Variants in VNN2 observed in about 807,000 individuals in gnomAD.
VNN2 encodes vanin 2.
Under a neutral mutation model 43.0 loss-of-function variants are expected in VNN2, and 43 were observed. The observed-to-expected ratio is 1.00, with a 90% CI of 0.78 to 1.29. The LOEUF is 1.29. VNN2 is among the 50% of genes most tolerant of loss of function. The pLI, the probability that VNN2 is intolerant of heterozygous loss-of-function variation, is 0.00. For missense variants in VNN2, 652 were observed against 619.7 expected, an observed-to-expected ratio of 1.05 and a Z score of -0.55; for synonymous variants, 230 against 224.3, an observed-to-expected ratio of 1.03 and a Z score of -0.23.
Position 132,757,786 on chromosome 6 carries a change from T to A in VNN2, c.98A>T (p.His33Leu), listed in dbSNP as rs760929873. Residue 33 changes from histidine to leucine, a missense_variant, in exon 1 of 7, where the codon CAT (histidine) becomes CTT (leucine). Physicochemically the swap from His to Leu is moderately conservative, Grantham distance 99. Coordinates refer to ENST00000326499, the MANE Select transcript of VNN2 (RefSeq NM_004665.6). ...QDSFIAAVYE[H>L]AVILPNKTET... ...TGTTTTATTTGGCAAAATGACAGCATGTTCATACACTGCAGCTATAAAACT... is the reference window on the plus strand; with the variant it reads ...TGTTTTATTTGGCAAAATGACAGCAAGTTCATACACTGCAGCTATAAAACT... 1.9e-6 allele frequency: 3 copies of A among 1,613,888 alleles called. No individual in the cohort carries two copies. Among genetic ancestry groups the A allele is most frequent in the Non-Finnish European group, 2.5e-6 (3 of 1,180,030 alleles).
rs369966352 is a variant in VNN2 at position 132,749,895 on chromosome 6, A to G, written c.1201-30T>C. ...GTGGAACAAACGCAGATAAAACGCA[A>G]TGCCTTACATTGAAGTTACTCATAC... On this transcript the variant is annotated intron_variant, in intron 5 of 6. Transcript: ENST00000326499. 7 of 1,587,660 alleles carry G rather than the reference A, an allele frequency of 4.4e-6. No individual in the cohort carries two copies. In the East Asian group the frequency reaches 6.8e-5, roughly 15 times the overall value.
In VNN2 at chr6:132,750,995, C is replaced by CGTGT. The variant is rs36044107; in HGVS notation, c.1200+146_1200+149dup. The CGTGT allele has an allele frequency of 0.013, 11,392 of 852,754 alleles. 787 individuals carry two copies. In the African/African-American group the frequency reaches 0.18, roughly 13 times the overall value. 52.8% of individuals were successfully genotyped at this position (852,754 alleles called of 1,614,324 possible). ...CAGTGTATGTACGTGCATAAATGCA[C>CGTGT]GTGTGTGTGTGTGTGTTGTGTGTGT... On this transcript the variant is annotated intron_variant, in intron 5 of 6. Coordinates refer to ENST00000326499, the MANE Select transcript of VNN2 (RefSeq NM_004665.6).
intron 5 of VNN2, among the ~76,000 whole-genome samples, chr6:132,750,201 T>C (rs1779973305): frequency 6.6e-6 from 1 of 152,124 alleles, no homozygotes; most frequent in Admixed American, 6.5e-5. Context: ...TGAAAGGATA[T>C]TAAAATTTTT....
chr6:132,750,497 G>GTGTATGTATATATGTGTATA lies in VNN2; in HGVS notation c.1201-633_1201-632insTATACACATATATACATACA. Among the ~76,000 whole-genome samples, 818 of 103,634 alleles carry GTGTATGTATATATGTGTATA rather than the reference G, an allele frequency of 7.9e-3. 55 individuals are homozygous for GTGTATGTATATATGTGTATA. The highest frequency in any genetic ancestry group is 0.011 in the Non-Finnish European group (566 of 49,884). 68.0% of individuals were successfully genotyped at this position (103,634 alleles called of 152,430 possible). A position where few individuals can be genotyped will look rare whatever the true frequency, so the allele number is the denominator to read the frequency against. ...TCTACTAAAAATATTTTGTATATGT[G>GTGTATGTATATATGTGTATA]TATATATATATATATATTTTTCCAG... is the stretch of plus-strand genomic sequence containing the variant. On this transcript the variant is annotated intron_variant, in intron 5 of 6. Coordinates refer to ENST00000326499, the MANE Select transcript of VNN2 (RefSeq NM_004665.6).
rs974688879 is a variant in VNN2, at chr6:132,750,996, G to A, written c.1200+149C>T. On this transcript the variant is annotated intron_variant, in intron 5 of 6. Transcript: ENST00000326499. ...AGTGTATGTACGTGCATAAATGCAC[G>A]TGTGTGTGTGTGTGTTGTGTGTGTG... 208 of 515,438 alleles carry A rather than the reference G, an allele frequency of 4.0e-4. 1 individual carries two copies. Among genetic ancestry groups the A allele is most frequent in the Admixed American group, 2.7e-4 (6 of 22,400 alleles). The allele number at this position is 515,438 out of a possible 1,614,324, so 31.9% of individuals were successfully genotyped here.
chr6:132,750,219 T>C (rs978414461), intron 5 of VNN2, among the ~76,000 whole-genome samples: 19 of 152,106 alleles, frequency 1.2e-4, no homozygotes, highest in African/African-American at 4.6e-4. Flanking sequence ...TTTTCCACCC[T>C]TTAATCTCAC....
chr6:132,759,456 A>AAAAAAAAAAAAAAAT (rs1264015054), upstream of VNN2, among the ~76,000 whole-genome samples: 1 of 151,514 alleles, frequency 6.6e-6, no homozygotes, highest in African/African-American at 2.4e-5. Context: ...AAAAAAAAAA[A>AAAAAAAAAAAAAAAT]AAAAACAATA....
chr6:132,745,108 G>T (rs1410971618), intron 6 of VNN2, among the ~76,000 whole-genome samples: 1 of 152,140 alleles, frequency 6.6e-6, no homozygotes, highest in Non-Finnish European at 1.5e-5. Flanking sequence ...TCTCATTCTA[G>T]ATTGGTTAAA....
intron 6 of VNN2, among the ~76,000 whole-genome samples, 179 bp downstream of exon 6, chr6:132,749,516 C>A (rs1779922830): frequency 6.6e-6 from 1 of 152,242 alleles, no homozygotes; most frequent in Middle Eastern, 3.4e-3. Flanking sequence ...TATCTCAGAC[C>A]AGAAAAACAG....
Position 132,751,204 on chromosome 6 carries a change from C to T in VNN2, c.1141G>A (p.Val381Ile). ...CCTGTAAAAGCTCCTAGAACGTATA[C>T]TTCATTCTCTTCTTTTTGTAACATT... ...YRMLQKEENE[V>I]YVLGAFTGLH... The change falls in exon 5 of 7, where the codon GTA becomes ATA. Residue 381 changes from valine to isoleucine, a missense_variant. By Grantham distance (29) the Val-to-Ile change is conservative. Coordinates refer to ENST00000326499, the MANE Select transcript of VNN2 (RefSeq NM_004665.6). 4 of 1,614,118 alleles carry T rather than the reference C, an allele frequency of 2.5e-6. No homozygotes were observed. Among genetic ancestry groups the T allele is most frequent in the Non-Finnish European group, 3.4e-6 (4 of 1,180,018 alleles).
chr6:132,762,761 G>T (rs1409898558), upstream of VNN2, among the ~76,000 whole-genome samples: 1 of 152,204 alleles, frequency 6.6e-6, no homozygotes, highest in African/African-American at 2.4e-5. Flanking sequence ...TTCTCTGAAA[G>T]CACTGCTAGA....
At chr6:132,755,748 T>C (rs1350098762) in intron 3 of VNN2, 95 bp downstream of exon 3, 3 of 1,247,760 alleles carry the variant, frequency 2.4e-6, no homozygotes, top group Non-Finnish European at 3.3e-6. Flanking sequence ...CCTCTAGTAA[T>C]ATTGTATCAT....
intron 5 of VNN2, 105 bp downstream of exon 5, chr6:132,751,040 T>C (rs1780046449): frequency 2.1e-6 from 3 of 1,413,370 alleles, no homozygotes; most frequent in African/African-American, 1.4e-5. Context: ...CATCAATGCA[T>C]GGAGTCAAGC....
intron 6 of VNN2, among the ~76,000 whole-genome samples, chr6:132,747,783 T>C (rs1779805840): frequency 6.6e-6 from 1 of 152,178 alleles, no homozygotes; most frequent in Non-Finnish European, 1.5e-5. Context: ...AGAAAGGAAG[T>C]AGTAATGGAA....
intron 6 of VNN2, among the ~76,000 whole-genome samples, chr6:132,746,881 C>G (rs1433273178): frequency 6.8e-6 from 1 of 147,286 alleles, no homozygotes; most frequent in Non-Finnish European, 1.5e-5. Context: ...ACCTGATGAA[C>G]TTCAGTGAAA....
At chr6:132,752,825 G>A in intron 3 of VNN2, 76 bp from the exon 4 acceptor site, 3 of 1,500,708 alleles carry the variant, frequency 2.0e-6, no homozygotes, top group Non-Finnish European at 2.7e-6. Context: ...CCTCTAAGTT[G>A]GTAACAGATT....
intron 3 of VNN2, among the ~76,000 whole-genome samples, chr6:132,754,650 C>T (rs1368621872): frequency 6.6e-6 from 1 of 152,172 alleles, no homozygotes; most frequent in African/African-American, 2.4e-5. Flanking sequence ...GGCCAGGCTT[C>T]TTTCTCTACC....
chr6:132,762,744 C>A (rs1780766620), upstream of VNN2, among the ~76,000 whole-genome samples: 1 of 152,288 alleles, frequency 6.6e-6, no homozygotes, highest in East Asian at 1.9e-4. Context: ...TATATCACAG[C>A]CTTGGATTCT....
chr6:132,758,119 A>T (rs1183143986), upstream of VNN2: 1 of 374,016 alleles, frequency 2.7e-6, no homozygotes, highest in Admixed American at 4.8e-5. Context: ...AGCTCAGCTC[A>T]CTACAACTTC....
Sources: gnomAD v4.1 joint callset for allele counts (sites outside exome capture counted in the v4.1 genomes callset) on GRCh38, gnomAD v4.1.1 for gene constraint, MANE v1.5 for transcripts, NCBI Gene and HGNC (gene_info 2026-07-23, HGNC 2026-07-21) for gene names.